The following CDHR4 variants were observed in gnomAD, a reference collection of about 807,000 sequenced individuals.
The protein encoded by CDHR4 is cadherin related family member 4.
CDHR4 carries 89 observed loss-of-function variants against 88.4 expected under a neutral mutation model. The ratio of observed to expected loss-of-function variants is 1.01; its 90% CI spans 0.85 to 1.20. The LOEUF (loss-of-function observed/expected upper bound fraction) is 1.20, where lower values mean the gene tolerates loss of function less well. Among genes scored for constraint, CDHR4 ranks in the 50% most tolerant of loss-of-function variants. The pLI is 0.00. For missense variants in CDHR4, 914 were observed against 1,007.2 expected (o/e 0.91, Z 1.25); for synonymous variants, 368 against 399.2 (o/e 0.92, Z 0.93).
In CDHR4 at chr3:49,793,856, A is replaced by G. The variant is rs865836820; in HGVS notation, c.1430T>C (p.Ile477Thr). The change falls in exon 11 of 19, where the codon ATT becomes ACT. Residue 477 changes from isoleucine to threonine, a missense_variant. By Grantham distance (89) the Ile-to-Thr change is moderately conservative (BLOSUM62 -1). Coordinates refer to ENST00000412678, the MANE Select transcript of CDHR4 (RefSeq NM_001007540.4). ...GTDMDYPHDN[I>T]EYYTSGGPTT... is the part of the protein sequence containing the mutation. ...AGGACCACCAGAGGTGTAGTACTCA[A>G]TGTTGTCATGAGGGTAATCCATATC... 9 of 1,551,750 alleles carry G rather than the reference A, an allele frequency of 5.8e-6. No individual in the cohort carries two copies. In the African/African-American group the frequency reaches 1.1e-4, roughly 19 times the overall value.
At chr3:49,800,493 T>C (rs558863879), upstream of CDHR4, among the ~76,000 whole-genome samples, 1 of 151,082 alleles carries the variant, frequency 6.6e-6, no homozygotes, top group Non-Finnish European at 1.5e-5. Context: ...TACTCCAACC[T>C]GAGTGACAGA....
Position 49,795,909 on chromosome 3 carries a change from C to T in CDHR4, c.710+34G>A, listed in dbSNP as rs749262677. On this transcript the variant is annotated intron_variant, in intron 6 of 18. Transcript: ENST00000412678. The surrounding 1 kb of genome is among the most constrained non-coding windows in gnomAD (Gnocchi z 5.4). ...CCTGATTCCCTGGGGCTAGGCCCTT[C>T]CTCCCTCACTGTTCCAGGGTAGGGG... The T allele has an allele frequency of 2.0e-6, 3 of 1,518,830 alleles. No individual in the cohort carries two copies. The highest frequency in any genetic ancestry group is 1.8e-6 in the Non-Finnish European group (2 of 1,130,420). 94.1% of individuals were successfully genotyped at this position (1,518,830 alleles called of 1,614,324 possible). A position where few individuals can be genotyped will look rare whatever the true frequency, so the allele number is the denominator to read the frequency against.
At position 49,795,775 on chromosome 3, in the gene CDHR4, A is replaced by T; in HGVS notation, c.711-11T>A. 6.4e-7 allele frequency: 1 copy of T among 1,551,576 alleles called. No homozygotes were observed. The highest frequency in any genetic ancestry group is 8.7e-7 in the Non-Finnish European group (1 of 1,146,932). Reference sequence around the variant, plus strand: ...TTCTGAGCCTGCTCGCTGGACCAAAAGGGGGGCACTGGTTCCTGCCCATTC... The same window carrying T: ...TTCTGAGCCTGCTCGCTGGACCAAATGGGGGGCACTGGTTCCTGCCCATTC... On this transcript the variant is annotated splice_polypyrimidine_tract_variant and intron_variant, in intron 6 of 18. Coordinates refer to ENST00000412678, the MANE Select transcript of CDHR4 (RefSeq NM_001007540.4). This position sits in a 1 kb window ranked among gnomAD's most constrained non-coding sequence, Gnocchi z 5.4.
rs971929790 is a variant in CDHR4, at chr3:49,795,330, T to C, written c.897A>G (p.Ser299=). The change falls in exon 8 of 19, where the codon TCA becomes TCG. Residue 299 remains serine, a synonymous_variant. Transcript: ENST00000412678. This position sits in a 1 kb window ranked among gnomAD's most constrained non-coding sequence, Gnocchi z 5.4. ...TTTPLELART[S]GTAVSRLQVK... ...CCTGCAGCCTGGAGACCGCGGTGCC[T>C]GAGGTGCGAGCTAACTCTAGGGGCG... 2.6e-6 allele frequency: 4 copies of C among 1,551,470 alleles called. No homozygotes were observed. The Admixed American group carries it at 7.8e-5, about 30-fold the overall frequency.
rs1168142628 is a variant in CDHR4, at chr3:49,795,303, C to T, written c.924G>A (p.Val308=). The T allele has an allele frequency of 3.9e-6, 6 of 1,551,548 alleles. No individual in the cohort carries two copies. In the Admixed American group the frequency reaches 7.8e-5, roughly 20 times the overall value. Residue 308 remains valine, a synonymous_variant, in exon 8 of 19, where the codon GTG becomes GTA. Transcript: ENST00000412678. The surrounding 1 kb of genome is among the most constrained non-coding windows in gnomAD (Gnocchi z 5.4). ...TSGTAVSRLQ[V]KAFEQGQLWA... is the part of the protein sequence containing the mutation. Reference sequence around the variant, plus strand: ...ACAGCTGGCCCTGCTCAAAGGCCTTCACCTGCAGCCTGGAGACCGCGGTGC... The same window carrying T: ...ACAGCTGGCCCTGCTCAAAGGCCTTTACCTGCAGCCTGGAGACCGCGGTGC...
At chr3:49,802,223 G>C (rs1235282266), upstream of CDHR4, among the ~76,000 whole-genome samples, 1 of 151,824 alleles carries the variant, frequency 6.6e-6, no homozygotes, top group Non-Finnish European at 1.5e-5. Flanking sequence ...GCCCAGGCTG[G>C]AGTGCAGTGG....
In CDHR4 at chr3:49,796,957, C is replaced by G. The variant is rs1490100420; in HGVS notation, c.571G>C (p.Ala191Pro). Residue 191 changes from alanine to proline, a missense_variant, in exon 5 of 19, where the codon GCA (alanine) becomes CCA (proline). Transcript: ENST00000412678. ...TGGCCTAGGAGGCCCTGGGATGGTG[C>G]CTGCAGCCAACCTTGCTCATTGATG... is the stretch of plus-strand genomic sequence containing the variant. ...FSINEQGWLQ[A>P]PSQGLLGQAQ... 1 of 1,551,730 alleles carries G rather than the reference C, an allele frequency of 6.4e-7. No homozygotes were observed.
upstream of CDHR4, among the ~76,000 whole-genome samples, chr3:49,801,333 C>T (rs1008747847): frequency 6.6e-6 from 1 of 152,202 alleles, no homozygotes; most frequent in African/African-American, 2.4e-5. Flanking sequence ...CTTCATATCT[C>T]CCCTACCTCC....
rs544045647 is a variant in CDHR4, at chr3:49,792,726, C to T, written c.1996-116G>A. On this transcript the variant is annotated intron_variant, in intron 14 of 18. Transcript: ENST00000412678. The stretch of plus-strand genomic sequence containing the variant: ...ACCCATGATTTGCTCTTCAACACTG[C>T]TGGGCTCTCCGCACTCTGCGCTTCC... 63 of 1,474,010 alleles carry T rather than the reference C, an allele frequency of 4.3e-5. No individual in the cohort carries two copies. The Admixed American group carries it at 4.8e-4, about 11-fold the overall frequency. The allele number at this position is 1,474,010 out of a possible 1,614,324, so 91.3% of individuals were successfully genotyped here. A position where few individuals can be genotyped will look rare whatever the true frequency, so the allele number is the denominator to read the frequency against.
In CDHR4 at chr3:49,790,902, A is replaced by G. The variant is rs879853569; in HGVS notation, c.2312-15T>C. On this transcript the variant is annotated splice_polypyrimidine_tract_variant and intron_variant, in intron 18 of 18. Transcript: ENST00000412678. ...TCTTCCGGTACCTAAAACCGGTAGG[A>G]GAGAGAGGAGAGCAGGGGGTGCTGC... 8.8e-5 allele frequency: 136 copies of G among 1,548,082 alleles called. No individual in the cohort carries two copies. Among genetic ancestry groups the G allele is most frequent in the Non-Finnish European group, 1.1e-4 (128 of 1,144,812 alleles).
chr3:49,794,495 CA>C (rs1170441904), intron 10 of CDHR4, 112 bp downstream of exon 10: 4 of 829,268 alleles, frequency 4.8e-6, no homozygotes, highest in Non-Finnish European at 7.5e-6. Context: ...GAAATGGTGA[CA>C]ACCCTGCCCT....
chr3:49,795,719 A>G lies in CDHR4; in HGVS notation c.756T>C (p.Gly252=). ...NITIPENLAP[G]SEVVQVQARG... ...GGGCCTGGACCTGAACCACCTCACT[A>G]CCGGGGGCCAGATTCTCAGGGATGG... Residue 252 remains glycine (G), a synonymous_variant, in exon 7 of 19, where the codon GGT becomes GGC. Coordinates refer to ENST00000412678, the MANE Select transcript of CDHR4 (RefSeq NM_001007540.4). The surrounding 1 kb of genome is among the most constrained non-coding windows in gnomAD (Gnocchi z 5.4). 1.3e-6 allele frequency: 2 copies of G among 1,551,414 alleles called. No individual in the cohort carries two copies. The highest frequency in any genetic ancestry group is 1.7e-6 in the Non-Finnish European group (2 of 1,146,894).
chr3:49,802,452 G>A (rs1177418880), upstream of CDHR4, among the ~76,000 whole-genome samples: 9 of 152,186 alleles, frequency 5.9e-5, no homozygotes, highest in Non-Finnish European at 1.0e-4. Context: ...TGGGATTACA[G>A]GCGTGAGCCA....
rs928213816 is a variant in CDHR4, at chr3:49,795,743, G to A, written c.732C>T (p.Thr244=). Residue 244 remains threonine (T), a synonymous_variant, in exon 7 of 19, where the codon ACC becomes ACT. Transcript: ENST00000412678. This position sits in a 1 kb window ranked among gnomAD's most constrained non-coding sequence, Gnocchi z 5.4. ...TACCGGGGGCCAGATTCTCAGGGAT[G>A]GTGATATTCTGAGCCTGCTCGCTGG... ...VSFLEQAQNI[T]IPENLAPGSE... 2.6e-6 allele frequency: 4 copies of A among 1,551,578 alleles called. No individual in the cohort carries two copies. The highest frequency in any genetic ancestry group is 3.9e-5 in the Admixed American group (2 of 50,976).
At chr3:49,794,097 G>A (rs1216027840) in intron 10 of CDHR4, 91 bp from the exon 11 acceptor site, 1 of 1,294,572 alleles carries the variant, frequency 7.7e-7, no homozygotes, top group Admixed American at 2.1e-5. Flanking sequence ...TGCCCTGGGG[G>A]TCTAAAGAGT....
intron 16 of CDHR4, 25 bp downstream of exon 16, chr3:49,791,878 A>G (rs1415976890): frequency 6.4e-6 from 10 of 1,551,688 alleles, no homozygotes; most frequent in Non-Finnish European, 7.8e-6. Context: ...GATCCCAGGC[A>G]TAGAAGTATG....
Position 49,797,016 on chromosome 3 carries a change from G to T in CDHR4, c.512C>A (p.Ala171Asp), listed in dbSNP as rs2081279983. The change falls in exon 5 of 19, where the codon GCC (alanine) becomes GAC (aspartate). Residue 171 changes from alanine (A) to aspartate (D), a missense_variant. Coordinates refer to ENST00000412678, the MANE Select transcript of CDHR4 (RefSeq NM_001007540.4). ...LHGAQMSIISAQDLPHFPGPF... is the reference protein window; with the variant it reads ...LHGAQMSIISDQDLPHFPGPF... ...TCCAGGGAAGTGTGGCAGGTCCTGG[G>T]CACTGATAATGCTCATCTGACAGAA... The T allele has an allele frequency of 1.3e-6, 2 of 1,551,464 alleles. No homozygotes were observed. Among genetic ancestry groups the T allele is most frequent in the African/African-American group, 1.4e-5 (1 of 73,018 alleles).
chr3:49,798,843 C>A lies in CDHR4; in HGVS notation c.478G>T (p.Glu160Ter). 6.2e-7 allele frequency: 1 copy of A among 1,613,914 alleles called. No homozygotes were observed. Among genetic ancestry groups the A allele is most frequent in the Non-Finnish European group, 8.5e-7 (1 of 1,179,870 alleles). ...GGGCTTACCTGCGCTCCGTGGAGTT[C>A]TAGGCCTGGGAGGAGCAGAGTGTAC... Reference protein sequence around the residue: ...RLYTLLLPGLELHGAQMSIIS... With the variant: ...RLYTLLLPGL Residue 160 changes from glutamate (E) to a stop codon, truncating the protein, a stop_gained, in exon 4 of 19, where the codon GAA (glutamate) becomes TAA (stop). Coordinates refer to ENST00000412678, the MANE Select transcript of CDHR4 (RefSeq NM_001007540.4). LOFTEE classifies it high-confidence loss of function.
chr3:49,796,586 C>T (rs148667020), intron 5 of CDHR4, among the ~76,000 whole-genome samples: 30 of 152,332 alleles, frequency 2.0e-4, no homozygotes, highest in African/African-American at 6.3e-4. Flanking sequence ...ACAACGCCCA[C>T]CTTGGCCTCC....
Sources: allele counts gnomAD v4.1 joint callset (sites outside exome capture counted in the v4.1 genomes callset), GRCh38; gene constraint gnomAD v4.1.1; non-coding constraint Gnocchi (gnomAD v3.1); transcripts MANE v1.5; gene names NCBI Gene and HGNC (gene_info 2026-07-23, HGNC 2026-07-21).